The following ARHGEF28 variants were observed in gnomAD, a reference collection of about 807,000 sequenced individuals.
ARHGEF28 encodes the protein Rho guanine nucleotide exchange factor 28.
Under a neutral mutation model 206.6 loss-of-function variants are expected in ARHGEF28, and 152 were observed. That is an observed-to-expected ratio of 0.74 (90% CI 0.64 to 0.84). ARHGEF28 has a LOEUF of 0.84. ARHGEF28 is among the 40% of genes least tolerant of loss of function. The pLI is 0.00. For missense variants in ARHGEF28, 2,028 were observed against 2,073.2 expected (o/e 0.98, Z 0.42); for synonymous variants, 763 against 776.4 (o/e 0.98, Z 0.29).
chr5:73,910,126 A>T (rs976984599), intron 34 of ARHGEF28, among the ~76,000 whole-genome samples: 10 of 152,070 alleles, frequency 6.6e-5, no homozygotes, highest in Non-Finnish European at 1.0e-4. Flanking sequence ...CATGCCTGTA[A>T]TCCCAGAACT....
intron 4 of ARHGEF28, among the ~76,000 whole-genome samples, chr5:73,764,156 C>T (rs1333979893): frequency 6.6e-6 from 1 of 152,176 alleles, no homozygotes. Flanking sequence ...ACAGATCAAG[C>T]AACTTGAAAC....
intron 2 of ARHGEF28, among the ~76,000 whole-genome samples, chr5:73,728,658 G>C (rs1368216286): frequency 6.6e-6 from 1 of 152,186 alleles, no homozygotes; most frequent in Non-Finnish European, 1.5e-5. Context: ...ACACGGTACT[G>C]AATGTTCTGG....
chr5:73,672,727 A>G (rs1316845058), intron 1 of ARHGEF28, among the ~76,000 whole-genome samples: 1 of 152,260 alleles, frequency 6.6e-6, no homozygotes, highest in Non-Finnish European at 1.5e-5. Flanking sequence ...GACTCATAGC[A>G]TAAGTAAGAT....
chr5:73,803,421 A>G (rs1755255611), intron 9 of ARHGEF28: 1 of 154,084 alleles, frequency 6.5e-6, no homozygotes, highest in Non-Finnish European at 1.5e-5. Context: ...CAGTATCAGC[A>G]GGTCCTCCAG....
chr5:73,640,717 A>G (rs1744025115), intron 1 of ARHGEF28, among the ~76,000 whole-genome samples: 1 of 152,190 alleles, frequency 6.6e-6, no homozygotes, highest in Non-Finnish European at 1.5e-5. Flanking sequence ...TGGGAATAAT[A>G]CCAGCCCTTT....
At chr5:73,708,067 T>G (rs1398833391) in intron 2 of ARHGEF28, among the ~76,000 whole-genome samples, 2 of 152,186 alleles carry the variant, frequency 1.3e-5, no homozygotes, top group Non-Finnish European at 2.9e-5. Context: ...TGCTAACCTC[T>G]ACCTTCTGAG....
chr5:73,921,719 A>G (rs1015384391), intron 35 of ARHGEF28, among the ~76,000 whole-genome samples: 14 of 152,196 alleles, frequency 9.2e-5, no homozygotes, highest in African/African-American at 3.1e-4. Flanking sequence ...GAATGTTTGT[A>G]TTAAATACAG....
intron 26 of ARHGEF28, 71 bp downstream of exon 26, chr5:73,887,750 A>T (rs1273348615): frequency 9.4e-6 from 12 of 1,271,064 alleles, no homozygotes; most frequent in Non-Finnish European, 1.2e-5. Flanking sequence ...AATACCTAAA[A>T]TTCCTAGTGA....
At chr5:73,824,668 G>A (rs936235933) in intron 9 of ARHGEF28, among the ~76,000 whole-genome samples, 8 of 151,944 alleles carry the variant, frequency 5.3e-5, no homozygotes, top group East Asian at 1.9e-4. Flanking sequence ...GGGTTTTGCC[G>A]TGTTGTCCAG....
At chr5:73,807,866 T>G (rs910773695) in intron 9 of ARHGEF28, among the ~76,000 whole-genome samples, 1 of 151,588 alleles carries the variant, frequency 6.6e-6, no homozygotes, top group African/African-American at 2.4e-5. Context: ...TTATTAATAA[T>G]AGATTATAAT....
At chr5:73,780,622 A>T in intron 6 of ARHGEF28, 54 bp from the exon 7 acceptor site, 1 of 1,501,574 alleles carries the variant, frequency 6.7e-7, no homozygotes, top group Non-Finnish European at 9.0e-7. Flanking sequence ...TATATCTGGA[A>T]CCTCAAATGG....
chr5:73,940,713 T>G (rs548396246), intron 35 of ARHGEF28, 131 bp from the exon 36 acceptor site: 11 of 690,072 alleles, frequency 1.6e-5, no homozygotes, highest in Non-Finnish European at 2.3e-5. Flanking sequence ...TCCTTTCTCA[T>G]TGGGCTTGGC....
rs536784483 is a variant in ARHGEF28 at position 73,784,232 on chromosome 5, AG to A, written c.910+3493del. On this transcript the variant is annotated intron_variant, in intron 7 of 35. Coordinates refer to ENST00000513042, the MANE Select transcript of ARHGEF28 (RefSeq NM_001177693.2). ...TGTCCCCTCTGGGACAATGTGTAGTAGGGGGGAAACTCTAAGCTTATATCTG... is the reference window on the plus strand; with the variant it reads ...TGTCCCCTCTGGGACAATGTGTAGTAGGGGGAAACTCTAAGCTTATATCTG... Among the ~76,000 whole-genome samples, 42 of 152,158 alleles carry A rather than the reference AG, an allele frequency of 2.8e-4. No individual in the cohort carries two copies. The East Asian group carries it at 7.3e-3, about 27-fold the overall frequency.
intron 2 of ARHGEF28, among the ~76,000 whole-genome samples, chr5:73,746,405 C>A (rs1447778170): frequency 5.3e-5 from 8 of 151,946 alleles, no homozygotes; most frequent in African/African-American, 1.9e-4. Context: ...AGAAACCACA[C>A]AGTATGTATT....
chr5:73,829,449 C>G (rs62357755), intron 9 of ARHGEF28, among the ~76,000 whole-genome samples: 46 of 152,026 alleles, frequency 3.0e-4, no homozygotes, highest in African/African-American at 1.1e-3. Context: ...GGCGCAATCT[C>G]GGCTCACTGC....
chr5:73,861,444 T>TA (rs1421964246), intron 16 of ARHGEF28, among the ~76,000 whole-genome samples: 1 of 152,214 alleles, frequency 6.6e-6, no homozygotes, highest in African/African-American at 2.4e-5. Flanking sequence ...CTTATAACCA[T>TA]AAAAAACTAT....
chr5:73,673,259 G>A (rs1746460158), intron 1 of ARHGEF28, among the ~76,000 whole-genome samples: 1 of 152,122 alleles, frequency 6.6e-6, no homozygotes. Flanking sequence ...TATAACAGTT[G>A]TGAAATGCAA....
At position 73,829,525 on chromosome 5, in the gene ARHGEF28, G is replaced by A. The variant is rs531033713; in HGVS notation, c.1025-2813G>A. 6.0e-3 allele frequency among the ~76,000 whole-genome samples: 912 copies of A among 152,174 alleles called. 6 individuals carry two copies. Among genetic ancestry groups the A allele is most frequent in the Non-Finnish European group, 8.7e-3 (591 of 68,006 alleles). On this transcript the variant is annotated intron_variant, in intron 9 of 35. Transcript: ENST00000513042. Reference sequence around the variant, plus strand: ...CTTCCGAGTAGCTGGGACTACAGGCGTGTGCCACCATGCCCGGCTAATTTT... The same window carrying A: ...CTTCCGAGTAGCTGGGACTACAGGCATGTGCCACCATGCCCGGCTAATTTT...
At chr5:73,828,712 TTC>T (rs1393467600) in intron 9 of ARHGEF28, among the ~76,000 whole-genome samples, 6 of 151,728 alleles carry the variant, frequency 4.0e-5, no homozygotes, top group African/African-American at 1.5e-4. Context: ...CTCTGTCTCT[TTC>T]TCTTTCTTTC....
Sources: allele counts gnomAD v4.1 joint callset (sites outside exome capture counted in the v4.1 genomes callset), GRCh38; gene constraint gnomAD v4.1.1; transcripts MANE v1.5; gene names NCBI Gene and HGNC (gene_info 2026-07-23, HGNC 2026-07-21).